MUSK: variants seen among roughly 807,000 people sequenced by gnomAD.
MUSK encodes muscle associated receptor tyrosine kinase, also known as muscle, skeletal receptor tyrosine-protein kinase.
In MUSK, 55 loss-of-function variants were observed where a neutral mutation model predicts 88.7. That is an observed-to-expected ratio of 0.62 (90% CI 0.50 to 0.78). MUSK has a LOEUF of 0.78. Among genes scored for constraint, MUSK ranks in the 30% least tolerant of loss-of-function variants. The pLI is 0.00. For missense variants in MUSK, 1,015 were observed against 1,074.3 expected (o/e 0.94, Z 0.77); for synonymous variants, 387 against 391.9 (o/e 0.99, Z 0.15).
intron 4 of MUSK, among the ~76,000 whole-genome samples, chr9:110,696,211 A>G (rs1281100399): frequency 6.6e-6 from 1 of 151,992 alleles, no homozygotes; most frequent in Non-Finnish European, 1.5e-5. Context: ...CGAGAGGCAG[A>G]GGTTGCAAGT....
intron 5 of MUSK, chr9:110,728,617 C>T (rs1354974862): frequency 2.1e-5 from 20 of 972,954 alleles, no homozygotes; most frequent in Non-Finnish European, 2.9e-5. Flanking sequence ...CAAAGATTTC[C>T]CTTTTCATGA....
Position 110,785,520 on chromosome 9 carries a change from C to T in MUSK, c.1587-7C>T, listed in dbSNP as rs773943331. Reference sequence around the variant, plus strand: ...CTCATTCCTGATCTTGCCTGTCTTGCCTGCAGAGAATCAGCAGCAGTAACC... The same window carrying T: ...CTCATTCCTGATCTTGCCTGTCTTGTCTGCAGAGAATCAGCAGCAGTAACC... On this transcript the variant is annotated splice_polypyrimidine_tract_variant and splice_region_variant and intron_variant, in intron 12 of 14. Transcript: ENST00000374448. 5.0e-6 allele frequency: 8 copies of T among 1,592,668 alleles called. No homozygotes were observed. Among genetic ancestry groups the T allele is most frequent in the Non-Finnish European group, 6.9e-6 (8 of 1,167,850 alleles).
chr9:110,707,011 TAGAG>T (rs1050781611), intron 5 of MUSK, among the ~76,000 whole-genome samples: 2 of 142,658 alleles, frequency 1.4e-5, no homozygotes, highest in African/African-American at 2.6e-5. Context: ...CTCAAAAAAA[TAGAG>T]AGAGAGAGAG....
At chr9:110,739,203 TCA>T (rs1479374676) in intron 6 of MUSK, among the ~76,000 whole-genome samples, 3 of 152,164 alleles carry the variant, frequency 2.0e-5, no homozygotes, top group Admixed American at 6.6e-5. Context: ...TGAGAAGGAC[TCA>T]CAGATTTTAG....
chr9:110,744,417 A>G (rs2077147072), intron 6 of MUSK, among the ~76,000 whole-genome samples: 1 of 152,184 alleles, frequency 6.6e-6, no homozygotes, highest in African/African-American at 2.4e-5. Flanking sequence ...CTGGGGGTGG[A>G]TTCTCTCAAG....
At chr9:110,771,342 G>A (rs989417275) in intron 9 of MUSK, among the ~76,000 whole-genome samples, 1 of 151,456 alleles carries the variant, frequency 6.6e-6, no homozygotes, top group Non-Finnish European at 1.5e-5. Flanking sequence ...CACCTGCCTC[G>A]GTCTCCCAAA....
intron 3 of MUSK, among the ~76,000 whole-genome samples, chr9:110,689,236 T>TAA (rs2076247619): frequency 3.7e-5 from 2 of 53,650 alleles, no homozygotes; most frequent in South Asian, 7.8e-4. Context: ...TATAAATATA[T>TAA]AAATATATAA....
At chr9:110,783,996 A>C in intron 11 of MUSK, among the ~76,000 whole-genome samples, 1 of 152,068 alleles carries the variant, frequency 6.6e-6, no homozygotes, top group South Asian at 2.1e-4. Flanking sequence ...CACTTTGGCC[A>C]TTAAGTAGAT....
At chr9:110,768,802 AT>A (rs1193722264) in intron 9 of MUSK, among the ~76,000 whole-genome samples, 2 of 152,212 alleles carry the variant, frequency 1.3e-5, no homozygotes, top group East Asian at 3.9e-4. Flanking sequence ...AGTACATTCC[AT>A]CCAAAATTCT....
intron 7 of MUSK, among the ~76,000 whole-genome samples, chr9:110,749,859 T>C (rs2077225652): frequency 1.3e-5 from 2 of 152,086 alleles, no homozygotes; most frequent in African/African-American, 4.8e-5. Flanking sequence ...CAAGCAATAA[T>C]ATATAAACAC....
intron 2 of MUSK, among the ~76,000 whole-genome samples, chr9:110,685,475 G>GA: frequency 6.6e-6 from 1 of 152,074 alleles, no homozygotes; most frequent in South Asian, 2.1e-4. Flanking sequence ...ACTATAACCA[G>GA]AAAAAAGAAA....
At chr9:110,767,267 C>T (rs2131953367) in intron 8 of MUSK, among the ~76,000 whole-genome samples, 1 of 152,272 alleles carries the variant, frequency 6.6e-6, no homozygotes, top group African/African-American at 2.4e-5. Flanking sequence ...ACATCACTTT[C>T]TTTTTCTTTA....
In MUSK at chr9:110,787,740, T is replaced by G. The variant is rs1304218373; in HGVS notation, c.1829T>G (p.Met610Arg). 2 of 1,613,986 alleles carry G rather than the reference T, an allele frequency of 1.2e-6. No individual in the cohort carries two copies. ...YEPFTMVAVK[M>R]LKEEASADMQ... The stretch of plus-strand genomic sequence containing the variant: ...CCTTTCACTATGGTGGCAGTAAAGA[T>G]GCTCAAAGAAGAAGCCTCGGCAGAT... The change falls in exon 14 of 15, where the codon ATG becomes AGG. Residue 610 changes from methionine to arginine, a missense_variant. Transcript: ENST00000374448.
At chr9:110,692,739 C>T (rs1334312459) in intron 3 of MUSK, among the ~76,000 whole-genome samples, 1 of 151,940 alleles carries the variant, frequency 6.6e-6, no homozygotes, top group African/African-American at 2.4e-5. Flanking sequence ...TCTCTGTTGT[C>T]ATAACAAACT....
At chr9:110,781,069 A>G (rs1435630610) in intron 11 of MUSK, among the ~76,000 whole-genome samples, 1 of 152,154 alleles carries the variant, frequency 6.6e-6, no homozygotes, top group Non-Finnish European at 1.5e-5. Flanking sequence ...TGATATCTGC[A>G]GCTTTACCTA....
intron 5 of MUSK, among the ~76,000 whole-genome samples, chr9:110,702,086 G>A (rs2131740551): frequency 6.6e-6 from 1 of 151,214 alleles, no homozygotes; most frequent in East Asian, 1.9e-4. Flanking sequence ...CCTCGGATAT[G>A]AGCCTAGGAT....
intron 5 of MUSK, among the ~76,000 whole-genome samples, chr9:110,721,346 G>T (rs752151508): frequency 1.3e-4 from 20 of 151,972 alleles, no homozygotes; most frequent in Non-Finnish European, 2.5e-4. Context: ...AAACCCTAAA[G>T]ACTCATCCAA....
At chr9:110,693,352 A>C (rs986216213) in intron 3 of MUSK, among the ~76,000 whole-genome samples, 3 of 152,094 alleles carry the variant, frequency 2.0e-5, no homozygotes, top group African/African-American at 7.2e-5. Flanking sequence ...CAATTGCTAA[A>C]ATTTTGGAAT....
intron 11 of MUSK, among the ~76,000 whole-genome samples, chr9:110,782,389 C>A (rs1181387408): frequency 6.6e-6 from 1 of 152,078 alleles, no homozygotes; most frequent in Non-Finnish European, 1.5e-5. Flanking sequence ...ACATTTAAAT[C>A]CATAAAGCAA....
Sources: allele counts gnomAD v4.1 joint callset (sites outside exome capture counted in the v4.1 genomes callset), GRCh38; gene constraint gnomAD v4.1.1; transcripts MANE v1.5; gene names NCBI Gene and HGNC (gene_info 2026-07-23, HGNC 2026-07-21).